Variants in ENTPD7 observed in about 807,000 individuals in gnomAD.
ENTPD7 encodes NTPDase 7.
Under a neutral mutation model 77.9 loss-of-function variants are expected in ENTPD7, and 53 were observed. The ratio of observed to expected loss-of-function variants is 0.68; its 90% CI spans 0.55 to 0.85. The LOEUF is 0.85. Ranked by LOEUF, ENTPD7 falls within the 40% of genes least tolerant of loss-of-function variation. The probability of loss-of-function intolerance (pLI) is 0.00; values close to 1 mark genes in which losing one functional copy is unlikely to be tolerated. For missense variants in ENTPD7, 636 were observed against 743.7 expected (o/e 0.86, Z 1.68); for synonymous variants, 248 against 274.9 (o/e 0.90, Z 0.97).
At chr10:99,689,853 A>G (rs1301638248) in intron 7 of ENTPD7, among the ~76,000 whole-genome samples, 1 of 152,172 alleles carries the variant, frequency 6.6e-6, no homozygotes, top group Non-Finnish European at 1.5e-5. Context: ...TAACAGCTAG[A>G]ATTTTTATGT....
At position 99,659,611 on chromosome 10, in the gene ENTPD7, T is replaced by G. The variant is rs2035450070; in HGVS notation, c.-96+23T>G. The G allele has an allele frequency of 4.7e-6, 1 of 213,050 alleles. No individual in the cohort carries two copies. The highest frequency in any genetic ancestry group is 9.4e-6 in the Non-Finnish European group (1 of 106,368). 13.2% of individuals were successfully genotyped at this position (213,050 alleles called of 1,614,324 possible). ...CCCGTGAGTGTGGGCGCGAGAGGGC[T>G]GTGGGACCCGGAGGGACGGGGAGAG... On this transcript the variant is annotated intron_variant, in intron 1 of 12. Transcript: ENST00000370489. This position sits in a 1 kb window ranked among gnomAD's most constrained non-coding sequence, Gnocchi z 4.1.
Position 99,710,834 on chromosome 10 carries a change from C to G in ENTPD7, c.*6151C>G. ...GCTACAATAGATAGTATTTGTCAGT[C>G]TAAGTTACAGACAAAAAATTCTAGG... On this transcript the variant is annotated 3_prime_UTR_variant, in exon 13 of 13. Transcript: ENST00000370489. The G allele has an allele frequency of 1.0e-6, 1 of 985,346 alleles. No homozygotes were observed. The highest frequency in any genetic ancestry group is 1.7e-5 in the African/African-American group (1 of 57,338). 61.0% of individuals were successfully genotyped at this position (985,346 alleles called of 1,614,324 possible). A position where few individuals can be genotyped will look rare whatever the true frequency, so the allele number is the denominator to read the frequency against.
Position 99,660,345 on chromosome 10 carries a change from C to T in ENTPD7, c.8+381C>T. The T allele has an allele frequency of 5.1e-6, 6 of 1,170,566 alleles. No individual in the cohort carries two copies. In the South Asian group the frequency reaches 1.1e-4, roughly 21 times the overall value. The allele number at this position is 1,170,566 out of a possible 1,614,324, so 72.5% of individuals were successfully genotyped here. A position where few individuals can be genotyped will look rare whatever the true frequency, so the allele number is the denominator to read the frequency against. On this transcript the variant is annotated intron_variant, in intron 2 of 12. Coordinates refer to ENST00000370489, the MANE Select transcript of ENTPD7 (RefSeq NM_020354.5). Reference sequence around the variant, plus strand: ...ACCGAGGTCCTTTTGAATCAATATACAAAGTGAACTTCACAGATGAATACA... The same window carrying T: ...ACCGAGGTCCTTTTGAATCAATATATAAAGTGAACTTCACAGATGAATACA...
Position 99,710,631 on chromosome 10 carries a change from T to C in ENTPD7, c.*5948T>C. 1.0e-6 allele frequency: 1 copy of C among 985,448 alleles called. No individual in the cohort carries two copies. Among genetic ancestry groups the C allele is most frequent in the Non-Finnish European group, 1.2e-6 (1 of 829,932 alleles). 61.0% of individuals were successfully genotyped at this position (985,448 alleles called of 1,614,324 possible). On this transcript the variant is annotated 3_prime_UTR_variant, in exon 13 of 13. Coordinates refer to ENST00000370489, the MANE Select transcript of ENTPD7 (RefSeq NM_020354.5). ...TGTGTGATGCATGTTAGAGAGGTGA[T>C]GCATTCTCCCTTATGCAGGGACATG...
chr10:99,683,015 C>G (rs1403518530), intron 5 of ENTPD7, among the ~76,000 whole-genome samples: 1 of 152,184 alleles, frequency 6.6e-6, no homozygotes. Context: ...ACAAAACCCA[C>G]TGTGTAGCTC....
intron 5 of ENTPD7, among the ~76,000 whole-genome samples, chr10:99,681,435 T>A (rs967617162): frequency 6.6e-6 from 1 of 152,060 alleles, no homozygotes; most frequent in Non-Finnish European, 1.5e-5. Flanking sequence ...TGTGCCACCA[T>A]GCCTGGCTAA....
chr10:99,697,087 C>A (rs910683390), intron 9 of ENTPD7, among the ~76,000 whole-genome samples: 1 of 152,188 alleles, frequency 6.6e-6, no homozygotes, highest in Non-Finnish European at 1.5e-5. Flanking sequence ...CCACAGCAAT[C>A]AATTATCTTA....
chr10:99,666,328 C>T (rs1225387346), intron 3 of ENTPD7, among the ~76,000 whole-genome samples: 1 of 152,166 alleles, frequency 6.6e-6, no homozygotes, highest in Non-Finnish European at 1.5e-5. Flanking sequence ...CTGCCTCAGC[C>T]TCCCAAGTAG....
chr10:99,700,366 C>T (rs1465216512), intron 10 of ENTPD7, among the ~76,000 whole-genome samples: 4 of 151,202 alleles, frequency 2.6e-5, no homozygotes, highest in Admixed American at 6.6e-5. Flanking sequence ...TTTATTTTTC[C>T]CTGAGCATTT....
chr10:99,685,742 GAGA>G, intron 5 of ENTPD7, 47 bp from the exon 6 acceptor site: 1 of 1,375,126 alleles, frequency 7.3e-7, no homozygotes, highest in Non-Finnish European at 1.0e-6. Context: ...GGCAGTTTAT[GAGA>G]AGAGAGTTTA....
Position 99,698,614 on chromosome 10 carries a change from T to G in ENTPD7, c.1091T>G (p.Val364Gly), listed in dbSNP as rs1446618805. The change falls in exon 10 of 13, where the codon GTG becomes GGG. Residue 364 changes from valine to glycine, a missense_variant. This residue lies in a region of ENTPD7 where 486 missense variants were observed against 556.5 expected (regional missense o/e 0.87). Coordinates refer to ENST00000370489, the MANE Select transcript of ENTPD7 (RefSeq NM_020354.5). ...PCLPVGLTDVVERNSQVLHVR... is the reference protein window; with the variant it reads ...PCLPVGLTDVGERNSQVLHVR... ...CTGCCAGTGGGACTCACAGATGTGG[T>G]GGAGAGGAACAGCCAAGTCTTACAT... 2 of 1,614,100 alleles carry G rather than the reference T, an allele frequency of 1.2e-6. No homozygotes were observed. Among genetic ancestry groups the G allele is most frequent in the Admixed American group, 1.7e-5 (1 of 60,010 alleles).
intron 5 of ENTPD7, among the ~76,000 whole-genome samples, chr10:99,684,032 C>G (rs2035782952): frequency 6.6e-6 from 1 of 152,138 alleles, no homozygotes; most frequent in Non-Finnish European, 1.5e-5. Context: ...CTGGATTGCC[C>G]TTTAGAAAGG....
chr10:99,672,275 G>A (rs2035627029), intron 3 of ENTPD7, among the ~76,000 whole-genome samples: 1 of 149,250 alleles, frequency 6.7e-6, no homozygotes. Context: ...ATGAGCCACT[G>A]TGTCTGTCCC....
In ENTPD7 at chr10:99,670,279, A is replaced by G. The variant is rs368844643; in HGVS notation, c.191+8651A>G. 2.6e-4 allele frequency among the ~76,000 whole-genome samples: 39 copies of G among 152,292 alleles called. 1 individual carries two copies. The South Asian group carries it at 7.7e-3, about 30-fold the overall frequency. On this transcript the variant is annotated intron_variant, in intron 3 of 12. Transcript: ENST00000370489. Reference sequence around the variant, plus strand: ...TAAATGAAACAAAATTCAGTTCCTCACTTGGACTGGGCACATTTCAAATGC... The same window carrying G: ...TAAATGAAACAAAATTCAGTTCCTCGCTTGGACTGGGCACATTTCAAATGC...
chr10:99,695,267 G>A (rs2035951856), intron 8 of ENTPD7, among the ~76,000 whole-genome samples: 2 of 151,888 alleles, frequency 1.3e-5, no homozygotes, highest in Admixed American at 6.6e-5. Context: ...GCTCACACCT[G>A]TAATCCCAGC....
chr10:99,701,633 A>G (rs997284913), intron 11 of ENTPD7, among the ~76,000 whole-genome samples: 1 of 152,098 alleles, frequency 6.6e-6, no homozygotes, highest in African/African-American at 2.4e-5. Context: ...AATATCAAAC[A>G]TATAGAAAAG....
intron 2 of ENTPD7, 195 bp downstream of exon 2, chr10:99,660,159 G>A: frequency 1.8e-6 from 1 of 559,684 alleles, no homozygotes; most frequent in Non-Finnish European, 2.3e-6. Flanking sequence ...CTAGCCCATA[G>A]ACCAGGAGTG....
At position 99,704,408 on chromosome 10, in the gene ENTPD7, A is replaced by C. The variant is rs750747659; in HGVS notation, c.1584-44A>C. On this transcript the variant is annotated intron_variant, in intron 12 of 12. Coordinates refer to ENST00000370489, the MANE Select transcript of ENTPD7 (RefSeq NM_020354.5). ...AAATCAGTAAATGTCTCCCTTTGAA[A>C]CTTAACAGTTTTTTCCACCTACAAA... The C allele has an allele frequency of 3.8e-6, 6 of 1,597,638 alleles. No homozygotes were observed. In the Admixed American group the frequency reaches 1.0e-4, roughly 27 times the overall value.
chr10:99,695,047 A>G (rs1304110476), intron 8 of ENTPD7, among the ~76,000 whole-genome samples: 5 of 152,250 alleles, frequency 3.3e-5, no homozygotes, highest in Non-Finnish European at 7.3e-5. Flanking sequence ...ATAAATAAAT[A>G]AAGCAAAAGA....
Sources: gnomAD v4.1 joint callset for allele counts (sites outside exome capture counted in the v4.1 genomes callset) on GRCh38, gnomAD v4.1.1 for gene constraint, gnomAD v4.1.1 regional missense constraint, Gnocchi (gnomAD v3.1) non-coding constraint, MANE v1.5 for transcripts, NCBI Gene and HGNC (gene_info 2026-07-23, HGNC 2026-07-21) for gene names.